Variants in PCDH15 observed in about 807,000 individuals in gnomAD.
PCDH15 encodes protocadherin related 15, also known as protocadherin-15.
A neutral mutation model predicts 178.5 loss-of-function variants in PCDH15; 129 were observed. The observed-to-expected ratio is 0.72, with a 90% CI of 0.63 to 0.84. The LOEUF is 0.84. PCDH15 is among the 40% of genes least tolerant of loss of function. The pLI is 0.00. For missense variants in PCDH15, 2,230 were observed against 2,099.9 expected, an observed-to-expected ratio of 1.06 and a Z score of -1.21; for synonymous variants, 800 against 732.0, an observed-to-expected ratio of 1.09 and a Z score of -1.50.
chr10:54,374,916 CTG>C (rs1221557507), intron 4 of PCDH15, among the ~76,000 whole-genome samples: 2 of 151,982 alleles, frequency 1.3e-5, no homozygotes, highest in Non-Finnish European at 2.9e-5. Flanking sequence ...TTTTAACACA[CTG>C]TTAAAAATGT....
At chr10:55,296,225 T>C (rs977798295) in intron 1 of PCDH15, among the ~76,000 whole-genome samples, 1 of 152,116 alleles carries the variant, frequency 6.6e-6, no homozygotes, top group Non-Finnish European at 1.5e-5. Flanking sequence ...CCTCATTGTT[T>C]AGAGGTTTTA....
intron 2 of PCDH15, among the ~76,000 whole-genome samples, chr10:54,915,501 C>T (rs1954886218): frequency 6.6e-6 from 1 of 152,138 alleles, no homozygotes; most frequent in Non-Finnish European, 1.5e-5. Flanking sequence ...ATTATTCATG[C>T]TCTACATATA....
chr10:54,468,330 T>G (rs892531361), intron 3 of PCDH15, among the ~76,000 whole-genome samples: 35 of 152,054 alleles, frequency 2.3e-4, no homozygotes, highest in African/African-American at 8.4e-4. Flanking sequence ...GTTTTTTTTC[T>G]GAATACCATA....
At chr10:54,971,136 A>AT (rs991875764) in intron 2 of PCDH15, among the ~76,000 whole-genome samples, 2 of 152,084 alleles carry the variant, frequency 1.3e-5, no homozygotes, top group African/African-American at 4.8e-5. Context: ...AAGGATGTAA[A>AT]TTTTGGGGGT....
chr10:53,916,086 C>G (rs554349850), intron 25 of PCDH15, among the ~76,000 whole-genome samples: 1 of 152,196 alleles, frequency 6.6e-6, no homozygotes, highest in African/African-American at 2.4e-5. Context: ...CTTATAATAC[C>G]TAATACAATG....
At chr10:55,129,915 A>G (rs1291230081) in intron 2 of PCDH15, among the ~76,000 whole-genome samples, 1 of 152,160 alleles carries the variant, frequency 6.6e-6, no homozygotes, top group Non-Finnish European at 1.5e-5. Flanking sequence ...AATAAATGTG[A>G]GGTACATTCC....
chr10:55,003,476 T>G (rs1358236768), intron 2 of PCDH15, among the ~76,000 whole-genome samples: 1 of 152,174 alleles, frequency 6.6e-6, no homozygotes, highest in Non-Finnish European at 1.5e-5. Flanking sequence ...GAGAATTTTT[T>G]TCTTTTGAAG....
intron 2 of PCDH15, among the ~76,000 whole-genome samples, chr10:55,341,776 TATATATATATATATATATATATATATA>T (rs1844568163): frequency 9.4e-5 from 1 of 10,600 alleles, no homozygotes; most frequent in Non-Finnish European, 2.1e-4. Context: ...TATATATATA[TATATATATATATATATATATATATATA>T]TATTTTTTTT....
chr10:55,151,742 CTT>C (rs944824249), intron 2 of PCDH15, among the ~76,000 whole-genome samples: 5 of 151,940 alleles, frequency 3.3e-5, no homozygotes, highest in African/African-American at 1.2e-4. Context: ...ATATAACTGA[CTT>C]TTATTATGTT....
intron 2 of PCDH15, among the ~76,000 whole-genome samples, chr10:55,163,821 C>G (rs1412724748): frequency 1.3e-5 from 2 of 152,094 alleles, no homozygotes; most frequent in African/African-American, 4.8e-5. Flanking sequence ...ACCCTCAGTT[C>G]CAGGAATTGC....
At chr10:55,152,982 C>T (rs1838777053) in intron 2 of PCDH15, among the ~76,000 whole-genome samples, 1 of 151,504 alleles carries the variant, frequency 6.6e-6, no homozygotes, top group Admixed American at 6.6e-5. Flanking sequence ...GTATAGGTAA[C>T]TTTGTGTTTA....
intron 29 of PCDH15, among the ~76,000 whole-genome samples, chr10:53,839,342 A>T (rs2077503272): frequency 1.3e-5 from 2 of 152,016 alleles, no homozygotes; most frequent in African/African-American, 4.8e-5. Context: ...AACACATTTA[A>T]AATAAAACTA....
intron 2 of PCDH15, among the ~76,000 whole-genome samples, chr10:55,049,560 A>G (rs149901543): frequency 1.3e-5 from 2 of 152,090 alleles, no homozygotes; most frequent in African/African-American, 2.4e-5. Flanking sequence ...AAACATGAAT[A>G]GAGAACTCTT....
At chr10:54,755,620 C>T (rs899522446) in intron 1 of PCDH15, among the ~76,000 whole-genome samples, 1 of 151,960 alleles carries the variant, frequency 6.6e-6, no homozygotes, top group Non-Finnish European at 1.5e-5. Context: ...AATAAAGATA[C>T]TAGAGATCTT....
intron 2 of PCDH15, among the ~76,000 whole-genome samples, chr10:54,574,461 A>G (rs1378088380): frequency 6.6e-6 from 1 of 152,088 alleles, no homozygotes; most frequent in African/African-American, 2.4e-5. Flanking sequence ...AGGTAGTGTG[A>G]TGCCTCCAGC....
rs138098427 is a variant in PCDH15, at chr10:54,686,481, C to T, written c.-28-22191G>A. ...GCTTTTGGTGTCATATCCATAAAATCATTGCTGAGACGAACATCATGAAGC... is the reference window on the plus strand; with the variant it reads ...GCTTTTGGTGTCATATCCATAAAATTATTGCTGAGACGAACATCATGAAGC... On this transcript the variant is annotated intron_variant, in intron 1 of 37. Transcript: ENST00000644397. Among the ~76,000 whole-genome samples, 1,494 of 152,172 alleles carry T rather than the reference C, an allele frequency of 9.8e-3. 24 individuals are homozygous for T. Among genetic ancestry groups the T allele is most frequent in the African/African-American group, 0.033 (1,385 of 41,524 alleles).
intron 2 of PCDH15, among the ~76,000 whole-genome samples, chr10:54,646,852 A>T (rs569802619): frequency 7.2e-5 from 11 of 152,218 alleles, no homozygotes; most frequent in African/African-American, 2.6e-4. Context: ...AAGTGTTGGC[A>T]AGGATGTGGA....
intron 3 of PCDH15, among the ~76,000 whole-genome samples, chr10:54,825,747 T>C (rs893261838): frequency 1.3e-5 from 2 of 152,154 alleles, no homozygotes; most frequent in African/African-American, 4.8e-5. Flanking sequence ...ACTTTTACAA[T>C]TTAAATGTTC....
chr10:54,885,002 A>G (rs1387014190), intron 3 of PCDH15, among the ~76,000 whole-genome samples: 1 of 152,098 alleles, frequency 6.6e-6, no homozygotes, highest in Non-Finnish European at 1.5e-5. Context: ...ATAATTATAC[A>G]TATAACATTC....
Sources: gnomAD v4.1 joint callset for allele counts (sites outside exome capture counted in the v4.1 genomes callset) on GRCh38, gnomAD v4.1.1 for gene constraint, MANE v1.5 for transcripts, NCBI Gene and HGNC (gene_info 2026-07-23, HGNC 2026-07-21) for gene names.